Variants in ABL2 observed in about 807,000 individuals in gnomAD.
ABL2 encodes tyrosine-protein kinase ABL2.
Under a neutral mutation model 107.7 loss-of-function variants are expected in ABL2, and 49 were observed. That is an observed-to-expected ratio of 0.45 (90% CI 0.36 to 0.58). ABL2 has a LOEUF of 0.58. ABL2 is among the 20% of genes least tolerant of loss of function. The pLI, the probability that ABL2 is intolerant of heterozygous loss-of-function variation, is 0.00. For missense variants in ABL2, 1,245 were observed against 1,457.0 expected (o/e 0.85, Z 2.37); for synonymous variants, 549 against 548.6 (o/e 1.00, Z -0.01).
At chr1:179,150,976 A>G (rs538713410) in intron 1 of ABL2, among the ~76,000 whole-genome samples, 13 of 152,362 alleles carry the variant, frequency 8.5e-5, no homozygotes, top group Non-Finnish European at 2.9e-5. Context: ...GATGATCATC[A>G]GCATTTTTTA....
intron 1 of ABL2, among the ~76,000 whole-genome samples, chr1:179,197,806 C>A (rs1411745198): frequency 2.0e-5 from 3 of 150,674 alleles, no homozygotes; most frequent in Admixed American, 6.6e-5. Flanking sequence ...GAGGTAGAGG[C>A]TGCAGTGAGC....
At chr1:179,177,738 G>A (rs1660131658) in intron 1 of ABL2, among the ~76,000 whole-genome samples, 2 of 152,112 alleles carry the variant, frequency 1.3e-5, no homozygotes, top group Non-Finnish European at 2.9e-5. Flanking sequence ...GTTAGACTAT[G>A]TATTAAGAGG....
At chr1:179,201,114 T>C (rs2793808) in intron 1 of ABL2, among the ~76,000 whole-genome samples, 32,743 of 152,058 alleles carry the variant, frequency 0.22, 4,468 homozygotes, top group East Asian at 0.35. Flanking sequence ...TCCCCAAATC[T>C]AAGTTCCTAG....
At chr1:179,193,056 T>C (rs890252739) in intron 1 of ABL2, among the ~76,000 whole-genome samples, 9 of 152,060 alleles carry the variant, frequency 5.9e-5, no homozygotes, top group Admixed American at 5.2e-4. Flanking sequence ...GGTAAACATT[T>C]AAACAGCATA....
Position 179,180,759 on chromosome 1 carries a change from A to G in ABL2, c.158-47385T>C, listed in dbSNP as rs1459451395. 2.7e-5 allele frequency among the ~76,000 whole-genome samples: 4 copies of G among 149,732 alleles called. No individual in the cohort carries two copies. In the East Asian group the frequency reaches 5.8e-4, roughly 22 times the overall value. Reference sequence around the variant, plus strand: ...CACAATTTAAAATAATTTTTAAAAGAAAAAAACCATCTGAAATTTAGGTGA... The same window carrying G: ...CACAATTTAAAATAATTTTTAAAAGGAAAAAACCATCTGAAATTTAGGTGA... On this transcript the variant is annotated intron_variant, in intron 1 of 11. Transcript: ENST00000502732.
intron 1 of ABL2, among the ~76,000 whole-genome samples, chr1:179,212,688 G>A (rs1370147251): frequency 2.8e-5 from 4 of 144,286 alleles, no homozygotes; most frequent in Non-Finnish European, 4.6e-5. Context: ...AGCCAAGATC[G>A]TGCCATTGCA....
intron 1 of ABL2, among the ~76,000 whole-genome samples, chr1:179,211,712 C>CA (rs751615239): frequency 7.9e-4 from 120 of 151,168 alleles, no homozygotes; most frequent in Admixed American, 1.5e-3. Flanking sequence ...GCCTGTTCAA[C>CA]ACTGCGAACC....
Position 179,101,464 on chromosome 1 carries a change from C to G in ABL2, c.*6254G>C, listed in dbSNP as rs749469517. ...CGATCTCAGCTCACTGCAACCTCCG[C>G]CTCCTGGGTTCAAGCAATTCTGCCT... On this transcript the variant is annotated 3_prime_UTR_variant, in exon 12 of 12. Coordinates refer to ENST00000502732, the MANE Select transcript of ABL2 (RefSeq NM_007314.4). 128 of 177,854 alleles carry G rather than the reference C, an allele frequency of 7.2e-4. 1 individual carries two copies. The highest frequency in any genetic ancestry group is 7.4e-4 in the Non-Finnish European group (61 of 82,962). The allele number at this position is 177,854 out of a possible 1,614,324, so 11.0% of individuals were successfully genotyped here.
At chr1:179,159,303 A>G (rs1658916463) in intron 1 of ABL2, among the ~76,000 whole-genome samples, 1 of 152,232 alleles carries the variant, frequency 6.6e-6, no homozygotes, top group Non-Finnish European at 1.5e-5. Context: ...GGTCTACACC[A>G]CTGCTCCACA....
intron 4 of ABL2, among the ~76,000 whole-genome samples, chr1:179,123,936 T>C (rs114031061): frequency 0.065 from 9,828 of 152,128 alleles, 399 homozygotes; most frequent in South Asian, 0.082. Context: ...TAGCCTGTTA[T>C]TTATTTTTTT....
At chr1:179,195,123 A>G (rs2102829305) in intron 1 of ABL2, among the ~76,000 whole-genome samples, 1 of 152,214 alleles carries the variant, frequency 6.6e-6, no homozygotes, top group South Asian at 2.1e-4. Flanking sequence ...CCCCATCTCT[A>G]CTAAAACTAC....
chr1:179,159,056 G>A (rs1489646774), intron 1 of ABL2, among the ~76,000 whole-genome samples: 1 of 152,208 alleles, frequency 6.6e-6, no homozygotes, highest in African/African-American at 2.4e-5. Flanking sequence ...CAAGAGCATA[G>A]ATGCCAGAGC....
intron 1 of ABL2, among the ~76,000 whole-genome samples, chr1:179,133,833 A>G (rs1656587170): frequency 6.6e-6 from 1 of 152,236 alleles, no homozygotes; most frequent in African/African-American, 2.4e-5. Context: ...ATTAACAATA[A>G]TACAATGAAC....
At position 179,102,215 on chromosome 1, in the gene ABL2, G is replaced by T. The variant is rs1342722363; in HGVS notation, c.*5503C>A. 2 of 171,996 alleles carry T rather than the reference G, an allele frequency of 1.2e-5. No homozygotes were observed. Among genetic ancestry groups the T allele is most frequent in the Non-Finnish European group, 2.5e-5 (2 of 79,466 alleles). The allele number at this position is 171,996 out of a possible 1,614,324, so 10.7% of individuals were successfully genotyped here. A position where few individuals can be genotyped will look rare whatever the true frequency, so the allele number is the denominator to read the frequency against. ...TTTAGTAGAGGTGGGGTTTCACCGT[G>T]TTAGCCAGGATGGTCTCAATCTCCT... On this transcript the variant is annotated 3_prime_UTR_variant, in exon 12 of 12. Transcript: ENST00000502732.
chr1:179,169,148 G>A lies in ABL2; in HGVS notation c.158-35774C>T, dbSNP rs184180507. Among the ~76,000 whole-genome samples the A allele has an allele frequency of 2.6e-5, 4 of 152,170 alleles. No individual in the cohort carries two copies. In the East Asian group the frequency reaches 5.8e-4, roughly 22 times the overall value. On this transcript the variant is annotated intron_variant, in intron 1 of 11. Transcript: ENST00000502732. ...GAAATGAAAATCATAAAATAGAAAT[G>A]AAATATCAGTGTAACACAAACAGGA...
chr1:179,118,580 T>C lies in ABL2; in HGVS notation c.1223+7A>G. 6.2e-7 allele frequency: 1 copy of C among 1,610,878 alleles called. No individual in the cohort carries two copies. The highest frequency in any genetic ancestry group is 8.5e-7 in the Non-Finnish European group (1 of 1,177,872). ...TTCATGGTTGGTCAGAGGTAAGTTT[T>C]ACACACCTATGGATGAAATTCTTCT... On this transcript the variant is annotated splice_region_variant and intron_variant, in intron 7 of 11. Coordinates refer to ENST00000502732, the MANE Select transcript of ABL2 (RefSeq NM_007314.4).
intron 1 of ABL2, among the ~76,000 whole-genome samples, chr1:179,139,119 C>T (rs10913699): frequency 0.015 from 2,277 of 152,280 alleles, 69 homozygotes; most frequent in African/African-American, 0.051. Context: ...GCAACCCACT[C>T]GGGTCCCCTT....
intron 4 of ABL2, among the ~76,000 whole-genome samples, chr1:179,124,910 A>G (rs1048070617): frequency 1.3e-5 from 2 of 152,224 alleles, no homozygotes; most frequent in Non-Finnish European, 2.9e-5. Context: ...GGTTTTTAGC[A>G]TATTCTCAAA....
At chr1:179,139,702 C>G (rs1657393653) in intron 1 of ABL2, among the ~76,000 whole-genome samples, 1 of 152,178 alleles carries the variant, frequency 6.6e-6, no homozygotes. Context: ...CTGTTAGGAA[C>G]TGGGCCACAC....
Sources: allele counts gnomAD v4.1 joint callset (sites outside exome capture counted in the v4.1 genomes callset), GRCh38; gene constraint gnomAD v4.1.1; transcripts MANE v1.5; gene names NCBI Gene and HGNC (gene_info 2026-07-23, HGNC 2026-07-21).